The following MAN1A2 variants were observed in gnomAD, a reference collection of about 807,000 sequenced individuals.
MAN1A2 encodes mannosidase alpha class 1A member 2.
Under a neutral mutation model 75.7 loss-of-function variants are expected in MAN1A2, and 26 were observed. The observed-to-expected ratio is 0.34, with a 90% CI of 0.25 to 0.48. The LOEUF is 0.48. MAN1A2 is among the 20% of genes least tolerant of loss of function. The pLI is 0.99. For missense variants in MAN1A2, 562 were observed against 775.5 expected, an observed-to-expected ratio of 0.72 and a Z score of 3.27; for synonymous variants, 247 against 264.6, an observed-to-expected ratio of 0.93 and a Z score of 0.65.
intron 1 of MAN1A2, among the ~76,000 whole-genome samples, chr1:117,398,609 G>A (rs1647294961): frequency 1.3e-5 from 2 of 151,964 alleles, no homozygotes; most frequent in Admixed American, 1.3e-4. Context: ...GGGAGGCAGA[G>A]GTTGCAGTGA....
chr1:117,417,481 G>A (rs1307857362), intron 4 of MAN1A2, among the ~76,000 whole-genome samples: 1 of 133,468 alleles, frequency 7.5e-6, no homozygotes, highest in Non-Finnish European at 1.6e-5. Flanking sequence ...CCCTCTACTA[G>A]TTTAACATTA....
At position 117,391,879 on chromosome 1, in the gene MAN1A2, ATTATTG is replaced by A. The variant is rs1166983896; in HGVS notation, c.303-10303_303-10298del. 2.6e-5 allele frequency among the ~76,000 whole-genome samples: 4 copies of A among 152,226 alleles called. No homozygotes were observed. In the East Asian group the frequency reaches 7.7e-4, roughly 29 times the overall value. On this transcript the variant is annotated intron_variant, in intron 1 of 12. Transcript: ENST00000356554. ...ATCCAGTCAGTATTGTGAAAAATCT[ATTATTG>A]TTAATTAATTCCTTTTCCTTCTCAT...
At chr1:117,452,595 A>T (rs1334986819) in intron 6 of MAN1A2, among the ~76,000 whole-genome samples, 1 of 152,246 alleles carries the variant, frequency 6.6e-6, no homozygotes, top group African/African-American at 2.4e-5. Context: ...CCTAATGCAG[A>T]GCAAGGCCCT....
chr1:117,436,785 TA>T (rs1648863344), intron 5 of MAN1A2, among the ~76,000 whole-genome samples: 1 of 152,198 alleles, frequency 6.6e-6, no homozygotes, highest in Non-Finnish European at 1.5e-5. Context: ...GGGGCATGTA[TA>T]GTCCAATGCA....
intron 5 of MAN1A2, among the ~76,000 whole-genome samples, chr1:117,429,801 C>G (rs867128028): frequency 1.2e-5 from 1 of 86,508 alleles, no homozygotes; most frequent in African/African-American, 4.6e-5. Flanking sequence ...GCTGGCCGGG[C>G]GGGGGGCCGA....
chr1:117,374,033 T>C (rs1448871051), intron 1 of MAN1A2, among the ~76,000 whole-genome samples: 1 of 152,178 alleles, frequency 6.6e-6, no homozygotes, highest in East Asian at 1.9e-4. Flanking sequence ...GTTTGAAAAT[T>C]ATAGAATATT....
intron 7 of MAN1A2, among the ~76,000 whole-genome samples, chr1:117,465,770 G>T (rs1053796906): frequency 1.3e-5 from 2 of 151,956 alleles, no homozygotes; most frequent in African/African-American, 4.8e-5. Flanking sequence ...TATATTTCAT[G>T]ATTTTTCTTT....
At chr1:117,429,735 C>G (rs750440919) in intron 5 of MAN1A2, among the ~76,000 whole-genome samples, 19 of 80,704 alleles carry the variant, frequency 2.4e-4, no homozygotes, top group African/African-American at 5.8e-4. Context: ...CCCTCCCGGA[C>G]GGGGCGGCTG....
At chr1:117,450,565 G>T (rs937530325) in intron 6 of MAN1A2, among the ~76,000 whole-genome samples, 5 of 152,172 alleles carry the variant, frequency 3.3e-5, no homozygotes, top group African/African-American at 1.2e-4. Flanking sequence ...CATGTCAGAG[G>T]TCTTCATGGC....
rs118061929 is a variant in MAN1A2 at position 117,420,749 on chromosome 1, G to C, written c.855+100G>C. ...AGAAGCATATTAGTTTTCTAAATTG[G>C]TAATATTGAACCAGTCTAGAACTGG... On this transcript the variant is annotated intron_variant, in intron 5 of 12. Transcript: ENST00000356554. The C allele has an allele frequency of 5.7e-4, 495 of 865,784 alleles. 4 individuals carry two copies. In the East Asian group the frequency reaches 0.011, roughly 19 times the overall value. The allele number at this position is 865,784 out of a possible 1,614,324, so 53.6% of individuals were successfully genotyped here. A position where few individuals can be genotyped will look rare whatever the true frequency, so the allele number is the denominator to read the frequency against.
chr1:117,405,492 T>TAA, intron 2 of MAN1A2, 57 bp from the exon 3 acceptor site: 1 of 1,083,614 alleles, frequency 9.2e-7, no homozygotes. Flanking sequence ...TTGTATGAAA[T>TAA]AAAAAAACAG....
At chr1:117,519,128 TTTGAA>T (rs1339932915) in intron 12 of MAN1A2, among the ~76,000 whole-genome samples, 3 of 152,078 alleles carry the variant, frequency 2.0e-5, no homozygotes, top group Admixed American at 6.6e-5. Flanking sequence ...TTAAAAATTC[TTTGAA>T]TTGAACAGCA....
chr1:117,500,473 C>G lies in MAN1A2; in HGVS notation c.1677+919C>G, dbSNP rs1470645662. On this transcript the variant is annotated intron_variant, in intron 11 of 12. Coordinates refer to ENST00000356554, the MANE Select transcript of MAN1A2 (RefSeq NM_006699.5). ...ATAAGGGGGAAGGAACTCCTGAAGG[C>G]TTTTTTCAGTGGGGAGTAACAAAGC... 3.3e-5 allele frequency among the ~76,000 whole-genome samples: 5 copies of G among 151,924 alleles called. No homozygotes were observed. The East Asian group carries it at 7.8e-4, about 24-fold the overall frequency.
chr1:117,488,213 C>CTT (rs35480509), intron 8 of MAN1A2, among the ~76,000 whole-genome samples: 50 of 145,530 alleles, frequency 3.4e-4, no homozygotes, highest in Middle Eastern at 3.5e-3. Flanking sequence ...AAGCAAATGG[C>CTT]TTTTTTTTTT....
At chr1:117,423,085 C>G (rs974213264) in intron 5 of MAN1A2, among the ~76,000 whole-genome samples, 2 of 152,012 alleles carry the variant, frequency 1.3e-5, no homozygotes, top group African/African-American at 4.8e-5. Flanking sequence ...GAGTTAAATC[C>G]TATATATGCT....
At chr1:117,443,564 T>G (rs1035886119) in intron 6 of MAN1A2, among the ~76,000 whole-genome samples, 7 of 151,942 alleles carry the variant, frequency 4.6e-5, no homozygotes, top group African/African-American at 1.7e-4. Context: ...GCTCTTTTTT[T>G]GTCTACATAG....
chr1:117,427,804 T>C (rs1648425118), intron 5 of MAN1A2, among the ~76,000 whole-genome samples: 1 of 152,172 alleles, frequency 6.6e-6, no homozygotes, highest in Non-Finnish European at 1.5e-5. Flanking sequence ...ACCACAGAGA[T>C]TACTTTTTCA....
chr1:117,398,548 C>A (rs1199119169), intron 1 of MAN1A2, among the ~76,000 whole-genome samples: 4 of 151,948 alleles, frequency 2.6e-5, no homozygotes, highest in Admixed American at 6.5e-5. Flanking sequence ...GTGGCGTGTG[C>A]CTGTAGTCCC....
intron 1 of MAN1A2, among the ~76,000 whole-genome samples, chr1:117,383,149 T>A (rs1448479770): frequency 6.6e-6 from 1 of 152,176 alleles, no homozygotes; most frequent in Non-Finnish European, 1.5e-5. Flanking sequence ...CACCATTGAG[T>A]GTGATGTTAG....
Sources: gnomAD v4.1 joint callset for allele counts (sites outside exome capture counted in the v4.1 genomes callset) on GRCh38, gnomAD v4.1.1 for gene constraint, MANE v1.5 for transcripts, NCBI Gene and HGNC (gene_info 2026-07-23, HGNC 2026-07-21) for gene names.